BMPER: variants seen among roughly 807,000 people sequenced by gnomAD.
BMPER encodes the protein BMP-binding endothelial regulator protein.
A neutral mutation model predicts 87.3 loss-of-function variants in BMPER; 45 were observed. The observed-to-expected ratio is 0.52, with a 90% confidence interval of 0.41 to 0.66. BMPER has a LOEUF of 0.66. Ranked by LOEUF, BMPER falls within the 30% of genes least tolerant of loss-of-function variation. The pLI is 0.00. For synonymous variants in BMPER, 326 were observed against 316.2 expected, an observed-to-expected ratio of 1.03 and a Z score of -0.33; for missense variants, 784 against 867.5, an observed-to-expected ratio of 0.90 and a Z score of 1.21.
At chr7:34,002,635 A>G (rs1487613515) in intron 6 of BMPER, among the ~76,000 whole-genome samples, 3 of 151,742 alleles carry the variant, frequency 2.0e-5, no homozygotes, top group African/African-American at 7.2e-5. Flanking sequence ...GAATTCTCAA[A>G]TTATTTTTGT....
At chr7:34,133,332 A>G (rs1017183382) in intron 13 of BMPER, among the ~76,000 whole-genome samples, 29 of 151,966 alleles carry the variant, frequency 1.9e-4, no homozygotes, top group African/African-American at 7.0e-4. Context: ...CTCCACGAAA[A>G]CCCCAAAGGT....
intron 2 of BMPER, among the ~76,000 whole-genome samples, chr7:33,915,130 A>G (rs1469168037): frequency 2.0e-5 from 3 of 152,248 alleles, no homozygotes; most frequent in Middle Eastern, 3.2e-3. Context: ...AAAAGATCTT[A>G]ACAAAAGTGA....
At chr7:34,035,972 A>C (rs1441594026) in intron 6 of BMPER, among the ~76,000 whole-genome samples, 1 of 152,188 alleles carries the variant, frequency 6.6e-6, no homozygotes, top group Non-Finnish European at 1.5e-5. Flanking sequence ...TGAGCAGTCA[A>C]AGGCCTCCGT....
chr7:33,964,933 A>G (rs1205324885), intron 3 of BMPER, among the ~76,000 whole-genome samples: 10 of 152,168 alleles, frequency 6.6e-5, no homozygotes, highest in Admixed American at 5.9e-4. Context: ...CCCTGCCTCC[A>G]TCTCTCGGAA....
chr7:34,113,518 G>T (rs557944285), intron 13 of BMPER, among the ~76,000 whole-genome samples: 2 of 147,522 alleles, frequency 1.4e-5, no homozygotes, highest in African/African-American at 2.5e-5. Context: ...AATTTATTTT[G>T]GCCAGCATAT....
intron 4 of BMPER, among the ~76,000 whole-genome samples, chr7:33,966,859 C>T (rs1361453124): frequency 6.6e-6 from 1 of 152,196 alleles, no homozygotes; most frequent in African/African-American, 2.4e-5. Context: ...TTCATGTCTT[C>T]CTGTGAAGTC....
chr7:34,035,281 C>A (rs990343580), intron 6 of BMPER, among the ~76,000 whole-genome samples: 10 of 152,118 alleles, frequency 6.6e-5, no homozygotes, highest in African/African-American at 2.4e-4. Flanking sequence ...AAATTGCCAC[C>A]TGATACAAAT....
chr7:33,999,473 T>C (rs1477732057), intron 6 of BMPER, among the ~76,000 whole-genome samples: 5 of 152,254 alleles, frequency 3.3e-5, no homozygotes. Context: ...TTTTGATTAA[T>C]GTGGAACAGG....
At chr7:34,050,419 G>A (rs1788119228) in intron 7 of BMPER, among the ~76,000 whole-genome samples, 2 of 152,034 alleles carry the variant, frequency 1.3e-5, no homozygotes, top group Non-Finnish European at 2.9e-5. Context: ...TGCTCTTGGT[G>A]GTGAGAACCA....
chr7:34,012,902 G>T (rs902154958), intron 6 of BMPER, among the ~76,000 whole-genome samples: 32 of 151,876 alleles, frequency 2.1e-4, no homozygotes, highest in African/African-American at 7.0e-4. Context: ...ACCATCTGTT[G>T]TTTCTATGCG....
At position 34,018,285 on chromosome 7, in the gene BMPER, C is replaced by T. The variant is rs1000061598; in HGVS notation, c.577-28021C>T. Among the ~76,000 whole-genome samples the T allele has an allele frequency of 8.6e-5, 13 of 152,012 alleles. No homozygotes were observed. In the East Asian group the frequency reaches 2.5e-3, roughly 30 times the overall value. ...AAGGAAACATTTTCTCTCTTAGCAA[C>T]CACATGGAAACCTGCTTCCTCTGTC... is the stretch of plus-strand genomic sequence containing the variant. On this transcript the variant is annotated intron_variant, in intron 6 of 14. Transcript: ENST00000649409.
At chr7:34,068,520 C>T (rs1288603035) in intron 11 of BMPER, among the ~76,000 whole-genome samples, 2 of 152,210 alleles carry the variant, frequency 1.3e-5, no homozygotes, top group Non-Finnish European at 2.9e-5. Flanking sequence ...GCATCTCCGT[C>T]TTTCTGCTCA....
intron 13 of BMPER, among the ~76,000 whole-genome samples, chr7:34,095,958 T>C (rs1279771931): frequency 6.6e-6 from 1 of 151,928 alleles, no homozygotes; most frequent in Admixed American, 6.6e-5. Context: ...ATAGAGATAA[T>C]ATCTTCACCC....
intron 13 of BMPER, among the ~76,000 whole-genome samples, chr7:34,120,685 G>A (rs909688317): frequency 3.3e-5 from 5 of 152,106 alleles, no homozygotes; most frequent in African/African-American, 1.2e-4. Flanking sequence ...GGTGAGAGCC[G>A]CTGTGCCCGG....
intron 6 of BMPER, among the ~76,000 whole-genome samples, chr7:33,995,538 A>G (rs1465862584): frequency 6.6e-6 from 1 of 152,196 alleles, no homozygotes; most frequent in Non-Finnish European, 1.5e-5. Context: ...TCCTAAGCTC[A>G]GAAATGGAAA....
intron 2 of BMPER, among the ~76,000 whole-genome samples, chr7:33,916,392 G>A (rs1173427716): frequency 6.6e-6 from 1 of 152,222 alleles, no homozygotes; most frequent in Non-Finnish European, 1.5e-5. Context: ...AGGCAAAAAT[G>A]TCAAACAAGT....
chr7:34,056,155 G>T (rs576065772), intron 9 of BMPER, among the ~76,000 whole-genome samples: 4 of 152,168 alleles, frequency 2.6e-5, no homozygotes, highest in African/African-American at 9.7e-5. Flanking sequence ...ATGAAGTGTC[G>T]CATGGTCTCA....
At chr7:34,136,147 G>A (rs1790712912) in intron 13 of BMPER, among the ~76,000 whole-genome samples, 1 of 152,108 alleles carries the variant, frequency 6.6e-6, no homozygotes. Flanking sequence ...GGAAAGCCGT[G>A]GACAGAGCAG....
chr7:34,129,852 GTT>G (rs1396605013), intron 13 of BMPER, among the ~76,000 whole-genome samples: 12 of 152,170 alleles, frequency 7.9e-5, no homozygotes, highest in African/African-American at 2.9e-4. Context: ...ATTGCATTCA[GTT>G]CTGCCTGCTT....
Sources: gnomAD v4.1 joint callset for allele counts (sites outside exome capture counted in the v4.1 genomes callset) on GRCh38, gnomAD v4.1.1 for gene constraint, MANE v1.5 for transcripts, NCBI Gene and HGNC (gene_info 2026-07-23, HGNC 2026-07-21) for gene names.